Variants in PCDHGB4 observed in about 807,000 individuals in gnomAD.
PCDHGB4 encodes the protein protocadherin gamma-B4.
Under a neutral mutation model 60.5 loss-of-function variants are expected in PCDHGB4, and 38 were observed. The ratio of observed to expected loss-of-function variants is 0.63; its 90% CI spans 0.48 to 0.82. The LOEUF (loss-of-function observed/expected upper bound fraction) is 0.82, where lower values mean the gene tolerates loss of function less well. Ranked by LOEUF, PCDHGB4 falls within the 40% of genes least tolerant of loss-of-function variation. The pLI is 0.00. For missense variants in PCDHGB4, 1,109 were observed against 1,209.6 expected (o/e 0.92, Z 1.23); for synonymous variants, 456 against 509.7 (o/e 0.89, Z 1.42).
intron 1 of PCDHGB4, among the ~76,000 whole-genome samples, chr5:141,471,768 T>A (rs1203999329): frequency 6.6e-6 from 1 of 152,174 alleles, no homozygotes; most frequent in Non-Finnish European, 1.5e-5. Context: ...GGTCAAAAGA[T>A]GAGTTTGACA....
At chr5:141,395,506 G>A in intron 1 of PCDHGB4, 1 of 433,794 alleles carries the variant, frequency 2.3e-6, no homozygotes, top group East Asian at 4.4e-5. Flanking sequence ...CACTTAAGAA[G>A]TAGCTACCCG....
At chr5:141,447,957 A>T (rs1460497437) in intron 1 of PCDHGB4, among the ~76,000 whole-genome samples, 3 of 151,910 alleles carry the variant, frequency 2.0e-5, no homozygotes, top group African/African-American at 7.3e-5. Context: ...ATGGTGGCGG[A>T]CACCTATAAT....
At chr5:141,436,778 G>A (rs2097846346) in intron 1 of PCDHGB4, among the ~76,000 whole-genome samples, 1 of 152,154 alleles carries the variant, frequency 6.6e-6, no homozygotes, top group African/African-American at 2.4e-5. Flanking sequence ...ATTTGTGGAT[G>A]GAAATAAAAC....
intron 1 of PCDHGB4, among the ~76,000 whole-genome samples, chr5:141,445,885 G>A (rs1171777990): frequency 1.3e-5 from 2 of 152,148 alleles, no homozygotes; most frequent in African/African-American, 4.8e-5. Flanking sequence ...CTTGTACTTA[G>A]GAGCTATTAA....
At chr5:141,399,952 G>A in intron 1 of PCDHGB4, 1 of 1,612,186 alleles carries the variant, frequency 6.2e-7, no homozygotes, top group Non-Finnish European at 8.5e-7. Flanking sequence ...GCAGGCTAGC[G>A]AGCCCGGGCT....
At position 141,423,201 on chromosome 5, in the gene PCDHGB4, C is replaced by T. The variant is rs749613139; in HGVS notation, c.2397+32920C>T. 24 of 1,613,628 alleles carry T rather than the reference C, an allele frequency of 1.5e-5. No homozygotes were observed. The South Asian group carries it at 1.5e-4, about 10-fold the overall frequency. ...ACGGCCAGCCCCCTCTCTCGGCCAC[C>T]GTCACGCTCACCGTGGCTGTGGCCG... On this transcript the variant is annotated intron_variant, in intron 1 of 3. Coordinates refer to ENST00000519479, the MANE Select transcript of PCDHGB4 (RefSeq NM_003736.4).
At chr5:141,418,665 A>T in intron 1 of PCDHGB4, 1 of 1,614,070 alleles carries the variant, frequency 6.2e-7, no homozygotes, top group Non-Finnish European at 8.5e-7. Context: ...GCCACTGACC[A>T]GGACGAGGGC....
chr5:141,410,180 C>G (rs776702898), intron 1 of PCDHGB4: 43 of 1,613,802 alleles, frequency 2.7e-5, no homozygotes, highest in Non-Finnish European at 3.4e-5. Context: ...CACCGCCACG[C>G]TTCATCTGGT....
At chr5:141,488,348 C>T (rs1231687770) in intron 1 of PCDHGB4, among the ~76,000 whole-genome samples, 1 of 152,106 alleles carries the variant, frequency 6.6e-6, no homozygotes, top group Non-Finnish European at 1.5e-5. Flanking sequence ...TAGAAACAGC[C>T]ACCCTGTGCA....
At chr5:141,437,796 G>A (rs2097911691) in intron 1 of PCDHGB4, among the ~76,000 whole-genome samples, 1 of 150,348 alleles carries the variant, frequency 6.7e-6, no homozygotes, top group South Asian at 2.1e-4. Context: ...GGAGTGCAGT[G>A]GCACTATCTT....
chr5:141,457,079 C>T (rs114054058), intron 1 of PCDHGB4, among the ~76,000 whole-genome samples: 2,973 of 152,194 alleles, frequency 0.02, 43 homozygotes, highest in African/African-American at 0.029. Flanking sequence ...AACTATTATC[C>T]CTGCTATAAG....
Position 141,431,359 on chromosome 5 carries a change from G to A in PCDHGB4, c.2397+41078G>A. 1 of 1,614,024 alleles carries A rather than the reference G, an allele frequency of 6.2e-7. No homozygotes were observed. The highest frequency in any genetic ancestry group is 8.5e-7 in the Non-Finnish European group (1 of 1,180,030). On this transcript the variant is annotated intron_variant, in intron 1 of 3. Transcript: ENST00000519479. This position sits in a 1 kb window ranked among gnomAD's most constrained non-coding sequence, Gnocchi z 4.8. ...CCGAATTGGTGCTGAAACGCGCCCTGGACCGCGAAGAAAAGGCTGCTCACC... is the reference window on the plus strand; with the variant it reads ...CCGAATTGGTGCTGAAACGCGCCCTAGACCGCGAAGAAAAGGCTGCTCACC...
chr5:141,433,208 C>CTTTT, intron 1 of PCDHGB4: 1 of 1,293,074 alleles, frequency 7.7e-7, no homozygotes, highest in African/African-American at 1.5e-5. Flanking sequence ...AATCTTCTTT[C>CTTTT]TTTTTTTTTT....
At position 141,410,285 on chromosome 5, in the gene PCDHGB4, G is replaced by T. The variant is rs746596172; in HGVS notation, c.2397+20004G>T. 7 of 1,614,010 alleles carry T rather than the reference G, an allele frequency of 4.3e-6. No homozygotes were observed. The Admixed American group carries it at 1.2e-4, about 27-fold the overall frequency. ...TGAACTGCAGTTTTACCTGGTGGTGGCCTTGGCCTTAATCTCAGTGCTCTT... is the reference window on the plus strand; with the variant it reads ...TGAACTGCAGTTTTACCTGGTGGTGTCCTTGGCCTTAATCTCAGTGCTCTT... On this transcript the variant is annotated intron_variant, in intron 1 of 3. Coordinates refer to ENST00000519479, the MANE Select transcript of PCDHGB4 (RefSeq NM_003736.4).
At chr5:141,501,550 A>G (rs1251701030) in intron 2 of PCDHGB4, among the ~76,000 whole-genome samples, 3 of 152,078 alleles carry the variant, frequency 2.0e-5, no homozygotes, top group Non-Finnish European at 4.4e-5. Flanking sequence ...ATAAGATCAT[A>G]GGCCCTGGAA....
intron 1 of PCDHGB4, among the ~76,000 whole-genome samples, chr5:141,442,703 C>A (rs1405830887): frequency 6.6e-6 from 1 of 152,218 alleles, no homozygotes; most frequent in Admixed American, 6.5e-5. Flanking sequence ...ACAAGAGTAT[C>A]AGACATGCCA....
At chr5:141,448,523 A>G (rs2098593853) in intron 1 of PCDHGB4, among the ~76,000 whole-genome samples, 1 of 152,166 alleles carries the variant, frequency 6.6e-6, no homozygotes, top group African/African-American at 2.4e-5. Context: ...TTTATTAAGC[A>G]TCCTGTCAGC....
intron 1 of PCDHGB4, chr5:141,478,169 G>A (rs2099436111): frequency 1.2e-6 from 2 of 1,613,716 alleles, no homozygotes; most frequent in Admixed American, 1.7e-5. Flanking sequence ...TGCCCCCCGG[G>A]AGCAGAAAAA....
At chr5:141,454,316 A>G (rs887472165) in intron 1 of PCDHGB4, among the ~76,000 whole-genome samples, 4 of 152,188 alleles carry the variant, frequency 2.6e-5, no homozygotes, top group Non-Finnish European at 4.4e-5. Context: ...AAGCATTGAA[A>G]CCTCCAAGAA....
Sources: allele counts gnomAD v4.1 joint callset (sites outside exome capture counted in the v4.1 genomes callset), GRCh38; gene constraint gnomAD v4.1.1; non-coding constraint Gnocchi (gnomAD v3.1); transcripts MANE v1.5; gene names NCBI Gene and HGNC (gene_info 2026-07-23, HGNC 2026-07-21).